LRRC4C: variants seen among roughly 807,000 people sequenced by gnomAD.
The protein encoded by LRRC4C is leucine-rich repeat-containing protein 4C.
A neutral mutation model predicts 33.6 loss-of-function variants in LRRC4C; 5 were observed. The observed-to-expected ratio is 0.15, with a 90% CI of 0.08 to 0.31. LRRC4C has a LOEUF of 0.31. LRRC4C is among the 10% of genes least tolerant of loss of function. LRRC4C has a pLI of 1.00. For missense variants in LRRC4C, 560 were observed against 796.7 expected (o/e 0.70, Z 3.58); for synonymous variants, 329 against 302.0 (o/e 1.09, Z -0.93).
intron 2 of LRRC4C, among the ~76,000 whole-genome samples, chr11:40,711,183 C>T (rs907254000): frequency 6.6e-6 from 1 of 152,194 alleles, no homozygotes; most frequent in Non-Finnish European, 1.5e-5. Context: ...TTTTGGCTTG[C>T]CCTCCGTGGG....
At chr11:41,413,085 C>T (rs1481717953) in intron 1 of LRRC4C, among the ~76,000 whole-genome samples, 2 of 151,066 alleles carry the variant, frequency 1.3e-5, no homozygotes, top group Non-Finnish European at 2.9e-5. Flanking sequence ...TGCTGTTGAG[C>T]TTTAACAAAT....
At chr11:41,016,789 T>A in intron 1 of LRRC4C, among the ~76,000 whole-genome samples, 1 of 152,194 alleles carries the variant, frequency 6.6e-6, no homozygotes, top group Non-Finnish European at 1.5e-5. Context: ...ATTTGAAAAT[T>A]ACCAGAATTA....
intron 3 of LRRC4C, among the ~76,000 whole-genome samples, chr11:40,353,346 G>T (rs1446896307): frequency 6.6e-6 from 1 of 151,838 alleles, no homozygotes; most frequent in African/African-American, 2.4e-5. Context: ...TCTTTTGCAT[G>T]ATCAATTCTG....
intron 6 of LRRC4C, among the ~76,000 whole-genome samples, chr11:40,124,200 C>A (rs952017769): frequency 1.3e-5 from 2 of 152,048 alleles, no homozygotes; most frequent in African/African-American, 4.8e-5. Flanking sequence ...AAAAAGGGAA[C>A]TCTCAAAATG....
At chr11:40,168,001 G>A (rs911614148) in intron 5 of LRRC4C, among the ~76,000 whole-genome samples, 1 of 152,070 alleles carries the variant, frequency 6.6e-6, no homozygotes, top group African/African-American at 2.4e-5. Flanking sequence ...CCTAGATGGC[G>A]CCACTGCACT....
chr11:40,418,874 A>G (rs1950423536), intron 3 of LRRC4C, among the ~76,000 whole-genome samples: 1 of 152,212 alleles, frequency 6.6e-6, no homozygotes, highest in African/African-American at 2.4e-5. Flanking sequence ...ATGCAGGAAC[A>G]GAAAACCAAA....
intron 5 of LRRC4C, among the ~76,000 whole-genome samples, chr11:40,168,327 G>C (rs1280891830): frequency 6.6e-6 from 1 of 152,162 alleles, no homozygotes; most frequent in African/African-American, 2.4e-5. Flanking sequence ...AGCACATAAA[G>C]AAAAGGGGTT....
chr11:40,831,535 T>C (rs1952411534), intron 2 of LRRC4C, among the ~76,000 whole-genome samples: 1 of 152,170 alleles, frequency 6.6e-6, no homozygotes, highest in African/African-American at 2.4e-5. Flanking sequence ...TGTAATTCAA[T>C]ATTAAATTGT....
At chr11:41,285,505 G>C (rs61877286) in intron 1 of LRRC4C, among the ~76,000 whole-genome samples, 1 of 152,152 alleles carries the variant, frequency 6.6e-6, no homozygotes, top group African/African-American at 2.4e-5. Context: ...GCCTAGTAGG[G>C]AACACAGACA....
intron 1 of LRRC4C, among the ~76,000 whole-genome samples, chr11:41,001,642 A>G (rs1854392114): frequency 6.6e-6 from 1 of 152,098 alleles, no homozygotes; most frequent in Non-Finnish European, 1.5e-5. Context: ...CATTGCAAAT[A>G]TCTGCTGAAT....
intron 2 of LRRC4C, among the ~76,000 whole-genome samples, chr11:40,758,991 T>G (rs562381356): frequency 6.6e-6 from 1 of 151,232 alleles, no homozygotes; most frequent in East Asian, 1.9e-4. Context: ...CCCTCTTAAT[T>G]GGACCTTACC....
At chr11:40,679,965 A>G (rs1166858206) in intron 2 of LRRC4C, among the ~76,000 whole-genome samples, 1 of 152,126 alleles carries the variant, frequency 6.6e-6, no homozygotes, top group Non-Finnish European at 1.5e-5. Flanking sequence ...ATGGACACTC[A>G]ACGCCAGCCC....
At position 40,936,336 on chromosome 11, in the gene LRRC4C, G is replaced by GTT. The variant is rs34468606; in HGVS notation, c.-495-2615_-495-2614dup. ...ATAGCAACAATAGTATCTAACACTT[G>GTT]TTTTTTTTTTTTTTTTTTTGAGATG... On this transcript the variant is annotated intron_variant, in intron 1 of 6. Coordinates refer to ENST00000528697, the MANE Select transcript of LRRC4C (RefSeq NM_001258419.2). Among the ~76,000 whole-genome samples, 112 of 112,700 alleles carry GTT rather than the reference G, an allele frequency of 9.9e-4. 1 individual carries two copies. Among genetic ancestry groups the GTT allele is most frequent in the African/African-American group, 2.0e-3 (57 of 28,944 alleles). 73.9% of individuals were successfully genotyped at this position (112,700 alleles called of 152,430 possible).
At chr11:41,324,901 A>G (rs937281612) in intron 1 of LRRC4C, among the ~76,000 whole-genome samples, 1 of 152,192 alleles carries the variant, frequency 6.6e-6, no homozygotes, top group Non-Finnish European at 1.5e-5. Context: ...CTTGTATCAT[A>G]TATTTAAAAT....
chr11:40,387,213 A>C (rs1004929154), intron 3 of LRRC4C, among the ~76,000 whole-genome samples: 4 of 152,112 alleles, frequency 2.6e-5, no homozygotes, highest in Admixed American at 6.6e-5. Context: ...TATATAATGC[A>C]TTTAGAATAC....
At chr11:40,151,692 A>G (rs550309545) in intron 5 of LRRC4C, among the ~76,000 whole-genome samples, 2 of 152,292 alleles carry the variant, frequency 1.3e-5, no homozygotes, top group Admixed American at 6.5e-5. Flanking sequence ...AAATTTTCAT[A>G]TTGAGTAAAC....
chr11:40,953,493 T>C (rs924492559), intron 1 of LRRC4C, among the ~76,000 whole-genome samples: 7 of 151,860 alleles, frequency 4.6e-5, no homozygotes, highest in Admixed American at 3.3e-4. Context: ...CTTGTCACCA[T>C]AATAAGAATG....
At chr11:40,502,855 T>C (rs1954845005) in intron 3 of LRRC4C, among the ~76,000 whole-genome samples, 1 of 152,076 alleles carries the variant, frequency 6.6e-6, no homozygotes, top group South Asian at 2.1e-4. Flanking sequence ...TAGAAAAAAA[T>C]ATGTGATTTT....
Position 41,092,124 on chromosome 11 carries a change from T to A in LRRC4C, c.-495-158401A>T, listed in dbSNP as rs1350863789. On this transcript the variant is annotated intron_variant, in intron 1 of 6. Transcript: ENST00000528697. ...ATTTGGTTGAATTATAAAATAATTT[T>A]TATTTTTTGTAGGCTAGAAATGTTT... Among the ~76,000 whole-genome samples the A allele has an allele frequency of 3.3e-5, 5 of 152,320 alleles. No individual in the cohort carries two copies. The South Asian group carries it at 8.3e-4, about 25-fold the overall frequency.
Sources: allele counts gnomAD v4.1 joint callset (sites outside exome capture counted in the v4.1 genomes callset), GRCh38; gene constraint gnomAD v4.1.1; transcripts MANE v1.5; gene names NCBI Gene and HGNC (gene_info 2026-07-23, HGNC 2026-07-21).